FER1L6: variants seen among roughly 807,000 people sequenced by gnomAD.
The protein encoded by FER1L6 is fer-1-like protein 6.
Under a neutral mutation model 219.2 loss-of-function variants are expected in FER1L6, and 177 were observed. That is an observed-to-expected ratio of 0.81 (90% CI 0.71 to 0.91). The LOEUF is 0.91. Among genes scored for constraint, FER1L6 ranks in the 40% least tolerant of loss-of-function variants. The pLI, the probability that FER1L6 is intolerant of heterozygous loss-of-function variation, is 0.00. For missense variants in FER1L6, 2,153 were observed against 2,259.9 expected (o/e 0.95, Z 0.96); for synonymous variants, 768 against 824.3 (o/e 0.93, Z 1.17).
chr8:123,979,649 A>G (rs1298243461), intron 10 of FER1L6, among the ~76,000 whole-genome samples: 1 of 152,186 alleles, frequency 6.6e-6, no homozygotes, highest in Non-Finnish European at 1.5e-5. Context: ...TTTAAATTCT[A>G]TGTTCAGAAC....
chr8:123,864,675 C>G (rs1180270985), intron 1 of FER1L6, among the ~76,000 whole-genome samples: 2 of 149,038 alleles, frequency 1.3e-5, no homozygotes, highest in Non-Finnish European at 2.9e-5. Flanking sequence ...AGGCTTTGCT[C>G]ATTTCTTTTT....
intron 39 of FER1L6, among the ~76,000 whole-genome samples, chr8:124,108,391 A>T (rs762107250): frequency 6.6e-6 from 1 of 152,206 alleles, no homozygotes; most frequent in African/African-American, 2.4e-5. Flanking sequence ...AGTATGTTCC[A>T]GGCACACAGA....
chr8:124,091,960 C>G (rs1822052651), intron 34 of FER1L6, among the ~76,000 whole-genome samples: 1 of 98,514 alleles, frequency 1.0e-5, no homozygotes, highest in South Asian at 4.0e-4. Context: ...GAGTGGGACT[C>G]AAGTCTTAAA....
chr8:123,880,438 T>C (rs1478095944), intron 1 of FER1L6, among the ~76,000 whole-genome samples: 1 of 152,226 alleles, frequency 6.6e-6, no homozygotes, highest in African/African-American at 2.4e-5. Flanking sequence ...TGAGGAGCTT[T>C]AGGCGGGACA....
chr8:123,952,873 T>G (rs2130099536), intron 1 of FER1L6, among the ~76,000 whole-genome samples: 1 of 152,358 alleles, frequency 6.6e-6, no homozygotes. Context: ...TGTGACACTT[T>G]GTAGCACGCT....
At chr8:123,883,061 A>G (rs1202578294) in intron 1 of FER1L6, among the ~76,000 whole-genome samples, 1 of 152,192 alleles carries the variant, frequency 6.6e-6, no homozygotes, top group Non-Finnish European at 1.5e-5. Flanking sequence ...AAAGCTGATT[A>G]AAGAATTCAC....
chr8:124,026,922 T>TGA (rs1818733421), intron 18 of FER1L6, among the ~76,000 whole-genome samples: 1 of 152,178 alleles, frequency 6.6e-6, no homozygotes, highest in African/African-American at 2.4e-5. Flanking sequence ...TTAGAAGTCC[T>TGA]AGGTCAAGGT....
In FER1L6 at chr8:124,062,065, A is replaced by G; in HGVS notation, c.3328+33A>G. ...GCTGCTCTTAGATTTTGTAGCTGTA[A>G]CTATAAAGTCATGGTGCCTGCAGAG... On this transcript the variant is annotated intron_variant, in intron 25 of 40. Transcript: ENST00000522917. 3 of 1,610,718 alleles carry G rather than the reference A, an allele frequency of 1.9e-6. No individual in the cohort carries two copies. In the South Asian group the frequency reaches 3.3e-5, roughly 18 times the overall value.
chr8:123,963,662 G>A lies in FER1L6; in HGVS notation c.197+264G>A, dbSNP rs553625286. Among the ~76,000 whole-genome samples the A allele has an allele frequency of 6.6e-5, 10 of 152,258 alleles. No individual in the cohort carries two copies. The East Asian group carries it at 7.7e-4, about 12-fold the overall frequency. Reference sequence around the variant, plus strand: ...TCTCCTGAGTGAAGGTGCTCATGTCGCTCACAGTTCAGGAATGACAGCAGG... The same window carrying A: ...TCTCCTGAGTGAAGGTGCTCATGTCACTCACAGTTCAGGAATGACAGCAGG... On this transcript the variant is annotated intron_variant, in intron 3 of 40. Transcript: ENST00000522917.
In FER1L6 at chr8:123,980,452, G is replaced by A; in HGVS notation, c.1064-13G>A. 6.4e-7 allele frequency: 1 copy of A among 1,568,496 alleles called. No homozygotes were observed. The highest frequency in any genetic ancestry group is 1.2e-5 in the South Asian group (1 of 84,406). The stretch of plus-strand genomic sequence containing the variant: ...AAACATAATGAGATAACTAAAACCT[G>A]GGGTCTCTCTAGGCTTTCTGCCCAC... On this transcript the variant is annotated splice_polypyrimidine_tract_variant and intron_variant, in intron 10 of 40. Coordinates refer to ENST00000522917, the MANE Select transcript of FER1L6 (RefSeq NM_001039112.2).
chr8:123,938,811 G>A (rs1338502523), intron 1 of FER1L6, among the ~76,000 whole-genome samples: 1 of 152,126 alleles, frequency 6.6e-6, no homozygotes, highest in African/African-American at 2.4e-5. Context: ...ACCTCCCAAA[G>A]TGCTGAGATT....
At chr8:124,088,950 G>A (rs893288250) in intron 33 of FER1L6, among the ~76,000 whole-genome samples, 5 of 152,016 alleles carry the variant, frequency 3.3e-5, no homozygotes, top group African/African-American at 1.2e-4. Flanking sequence ...GAACTGTGCT[G>A]CCTGGGATTA....
At chr8:123,887,529 A>G (rs1458729306) in intron 1 of FER1L6, among the ~76,000 whole-genome samples, 1 of 152,204 alleles carries the variant, frequency 6.6e-6, no homozygotes. Flanking sequence ...TGACATCTGC[A>G]TCCAGATAGG....
rs530718578 is a variant in FER1L6 at position 123,906,265 on chromosome 8, C to A, written c.-7-49727C>A. Among the ~76,000 whole-genome samples the A allele has an allele frequency of 6.6e-4, 100 of 152,260 alleles. 1 individual carries two copies. The South Asian group carries it at 0.016, about 24-fold the overall frequency. On this transcript the variant is annotated intron_variant, in intron 1 of 40. Transcript: ENST00000522917. ...CCAATTCTCAGTTAGATGCCAGCAC[C>A]ATAACCTCTAGGGGTATGGTGTAGT...
chr8:124,033,864 G>T (rs533485189), intron 18 of FER1L6, among the ~76,000 whole-genome samples: 1 of 152,332 alleles, frequency 6.6e-6, no homozygotes, highest in African/African-American at 2.4e-5. Context: ...AGTAGGTGAA[G>T]GTAAGTGGCC....
At chr8:123,936,473 T>TG (rs1056673948) in intron 1 of FER1L6, among the ~76,000 whole-genome samples, 18 of 129,586 alleles carry the variant, frequency 1.4e-4, no homozygotes, top group African/African-American at 4.0e-4. Context: ...TTTTTTTTTT[T>TG]TTTTTTTTTT....
chr8:123,878,152 T>C (rs1176658434), intron 1 of FER1L6, among the ~76,000 whole-genome samples: 4 of 152,252 alleles, frequency 2.6e-5, no homozygotes, highest in East Asian at 1.9e-4. Flanking sequence ...TAACATGAGA[T>C]GTCCCAGTTC....
At position 124,069,384 on chromosome 8, in the gene FER1L6, T is replaced by C. The variant is rs1820968942; in HGVS notation, c.3743T>C (p.Val1248Ala). The stretch of plus-strand genomic sequence containing the variant: ...GAGGCAAAGCCAGATGAGGTAGTGG[T>C]AGATATAGAAGATGGGCCAAAGAAG... ...NTEAKPDEVV[V>A]DIEDGPKKKK... Residue 1248 changes from valine to alanine, a missense_variant, in exon 29 of 41, where the codon GTA (valine) becomes GCA (alanine). Transcript: ENST00000522917. 4 of 1,612,386 alleles carry C rather than the reference T, an allele frequency of 2.5e-6. No homozygotes were observed. The highest frequency in any genetic ancestry group is 4.5e-5 in the East Asian group (2 of 44,750).
intron 2 of FER1L6, among the ~76,000 whole-genome samples, chr8:123,958,014 G>A (rs904332329): frequency 5.9e-5 from 9 of 152,148 alleles, no homozygotes; most frequent in East Asian, 1.9e-4. Context: ...TTTCATCTGT[G>A]TATTTTGAGG....
Sources: allele counts gnomAD v4.1 joint callset (sites outside exome capture counted in the v4.1 genomes callset), GRCh38; gene constraint gnomAD v4.1.1; transcripts MANE v1.5; gene names NCBI Gene and HGNC (gene_info 2026-07-23, HGNC 2026-07-21).